Variants in SDHA observed in about 807,000 individuals in gnomAD.
The protein encoded by SDHA is succinate dehydrogenase complex flavoprotein subunit A.
SDHA carries 48 observed loss-of-function variants against 78.4 expected under a neutral mutation model. The ratio of observed to expected loss-of-function variants is 0.61; its 90% CI spans 0.49 to 0.78. The LOEUF is 0.78. SDHA is among the 30% of genes least tolerant of loss of function. SDHA has a pLI of 0.00. For synonymous variants in SDHA, 326 were observed against 353.9 expected (o/e 0.92, Z 0.88); for missense variants, 680 against 892.7 (o/e 0.76, Z 3.04).
At chr5:229,637 T>C (rs1337048214) in intron 6 of SDHA, among the ~76,000 whole-genome samples, 1 of 152,240 alleles carries the variant, frequency 6.6e-6, no homozygotes, top group Admixed American at 6.5e-5. Context: ...TAACTTCCCG[T>C]TACAAGGTGA....
chr5:243,032 G>A (rs1244462318), intron 11 of SDHA, among the ~76,000 whole-genome samples: 7 of 152,254 alleles, frequency 4.6e-5, no homozygotes, highest in Admixed American at 4.6e-4. Context: ...CCAGAGGACA[G>A]TGGGCGAAAA....
chr5:230,355 A>G (rs1380817910), intron 6 of SDHA, among the ~76,000 whole-genome samples: 2 of 152,222 alleles, frequency 1.3e-5, no homozygotes, highest in East Asian at 3.9e-4. Context: ...CCAGGTGTGC[A>G]GTGGCTCACG....
At chr5:248,576 A>C (rs574768029) in intron 11 of SDHA, among the ~76,000 whole-genome samples, 1 of 152,312 alleles carries the variant, frequency 6.6e-6, no homozygotes, top group East Asian at 1.9e-4. Context: ...TTCTGATCTC[A>C]GTATTTACCA....
intron 7 of SDHA, among the ~76,000 whole-genome samples, chr5:232,006 A>G (rs1377385795): frequency 7.2e-6 from 1 of 139,458 alleles, no homozygotes; most frequent in Non-Finnish European, 1.5e-5. Flanking sequence ...GAGGTTCTTC[A>G]GAATGAGTCA....
At position 251,255 on chromosome 5, in the gene SDHA, G is replaced by A. The variant is rs531661823; in HGVS notation, c.1664-83G>A. On this transcript the variant is annotated intron_variant, in intron 12 of 14. Coordinates refer to ENST00000264932, the MANE Select transcript of SDHA (RefSeq NM_004168.4). ...TAAAGCCACAACCAGTGACTCCATG[G>A]ACTAGCAGGCCCAGGCTGACAGCTC... The A allele has an allele frequency of 5.3e-5, 82 of 1,546,320 alleles. No homozygotes were observed. In the African/African-American group the frequency reaches 8.7e-4, roughly 16 times the overall value.
chr5:233,564 A>AAC lies in SDHA; in HGVS notation c.983_984insAC (p.Tyr330AspfsTer19), dbSNP rs764729977. 1 of 1,614,120 alleles carries AAC rather than the reference A, an allele frequency of 6.2e-7. No individual in the cohort carries two copies. Among genetic ancestry groups the AAC allele is most frequent in the South Asian group, 1.1e-5 (1 of 91,078 alleles). On this transcript the variant is annotated frameshift_variant, in exon 8 of 15. Coordinates refer to ENST00000264932, the MANE Select transcript of SDHA (RefSeq NM_004168.4). LOFTEE classifies it high-confidence loss of function. ...AACAGTCAAGGCGAAAGGTTTATGG[A>AAC]GCGATACGCCCCTGTCGCGAAGGAC...
intron 11 of SDHA, among the ~76,000 whole-genome samples, chr5:247,915 T>G (rs1736563914): frequency 6.6e-6 from 1 of 152,236 alleles, no homozygotes; most frequent in Non-Finnish European, 1.5e-5. Flanking sequence ...AGAATGAATC[T>G]TTCCCTGAAA....
At chr5:223,213 C>T (rs1480297420) in intron 1 of SDHA, among the ~76,000 whole-genome samples, 1 of 152,202 alleles carries the variant, frequency 6.6e-6, no homozygotes, top group Non-Finnish European at 1.5e-5. Flanking sequence ...GTATCTGAGT[C>T]AGTGAGTATC....
intron 14 of SDHA, among the ~76,000 whole-genome samples, 154 bp downstream of exon 14, chr5:254,660 C>G (rs907477343): frequency 1.3e-5 from 2 of 152,198 alleles, no homozygotes; most frequent in Non-Finnish European, 2.9e-5. Context: ...GGCACTCCGA[C>G]AGCAGTCGGG....
chr5:239,387 T>C (rs1735996958), intron 10 of SDHA, among the ~76,000 whole-genome samples: 1 of 151,980 alleles, frequency 6.6e-6, no homozygotes, highest in South Asian at 2.1e-4. Context: ...GTGAAACCCA[T>C]TTCTACTGAA....
Position 233,550 on chromosome 5 carries a change from C to T in SDHA, c.969C>T (p.Gly323=), listed in dbSNP as rs142849100. 6.8e-3 allele frequency: 11,019 copies of T among 1,614,066 alleles called. 87 individuals are homozygous for T. The highest frequency in any genetic ancestry group is 0.022 in the South Asian group (1,994 of 91,068). Residue 323 remains glycine, a synonymous_variant, in exon 8 of 15, where the codon GGC becomes GGT. Coordinates refer to ENST00000264932, the MANE Select transcript of SDHA (RefSeq NM_004168.4). The stretch of plus-strand genomic sequence containing the variant: ...GAGGCATTCTCATTAACAGTCAAGG[C>T]GAAAGGTTTATGGAGCGATACGCCC... The part of the protein sequence containing the change: ...GEGGILINSQ[G]ERFMERYAPV...
intron 3 of SDHA, among the ~76,000 whole-genome samples, chr5:225,216 A>G (rs1360526514): frequency 6.6e-6 from 1 of 150,858 alleles, no homozygotes; most frequent in Non-Finnish European, 1.5e-5. Flanking sequence ...GAGGCTAAGG[A>G]TGGAATCACT....
intron 10 of SDHA, among the ~76,000 whole-genome samples, chr5:237,606 C>T (rs1267794767): frequency 2.2e-5 from 3 of 133,980 alleles, no homozygotes; most frequent in South Asian, 2.2e-4. Flanking sequence ...TGGATGTTTG[C>T]GTGGCAAGGA....
At chr5:236,310 C>T in intron 9 of SDHA, 118 bp from the exon 10 acceptor site, 1 of 1,026,574 alleles carries the variant, frequency 9.7e-7, no homozygotes, top group Non-Finnish European at 1.5e-6. Context: ...AGGCGTGAGC[C>T]ACCACGCCTG....
rs1357803337 is a variant in SDHA at position 228,174 on chromosome 5, C to G, written c.622-11C>G. The stretch of plus-strand genomic sequence containing the variant: ...TAACACTTCTTGCCCTTTTTTTTTC[C>G]TTTCTTTTAGTCTCTGCGATATGAT... On this transcript the variant is annotated splice_polypyrimidine_tract_variant and intron_variant, in intron 5 of 14. Transcript: ENST00000264932. 8 of 1,608,698 alleles carry G rather than the reference C, an allele frequency of 5.0e-6. No homozygotes were observed. Among genetic ancestry groups the G allele is most frequent in the Non-Finnish European group, 6.8e-6 (8 of 1,178,370 alleles).
Position 256,480 on chromosome 5 carries a change from A to G in SDHA, c.*60A>G, listed in dbSNP as rs542847249. The G allele has an allele frequency of 1.5e-6, 2 of 1,342,608 alleles. No homozygotes were observed. Among genetic ancestry groups the G allele is most frequent in the East Asian group, 2.3e-5 (1 of 43,692 alleles). The allele number at this position is 1,342,608 out of a possible 1,614,324, so 83.2% of individuals were successfully genotyped here. ...TGTAATTATGTATAATAGCTCATGC[A>G]TGTGTCCATGTCATAACTGTCTTCA... On this transcript the variant is annotated 3_prime_UTR_variant, in exon 15 of 15. Transcript: ENST00000264932.
intron 1 of SDHA, among the ~76,000 whole-genome samples, 172 bp from the exon 2 acceptor site, chr5:223,310 C>T (rs1734821962): frequency 1.3e-5 from 2 of 152,164 alleles, no homozygotes; most frequent in Admixed American, 6.5e-5. Flanking sequence ...CTTCCTTGCC[C>T]CTTGGGCTGC....
At chr5:224,231 G>A (rs1734876356) in intron 2 of SDHA, 129 bp from the exon 3 acceptor site, 3 of 976,640 alleles carry the variant, frequency 3.1e-6, no homozygotes. Context: ...TCAGCCCCAG[G>A]ACAGGATGGA....
chr5:218,721 G>A (rs1734529886), intron 1 of SDHA, among the ~76,000 whole-genome samples: 1 of 152,226 alleles, frequency 6.6e-6, no homozygotes, highest in Admixed American at 6.5e-5. Flanking sequence ...GGACCCCGCG[G>A]GCTGAGGTAG....
Sources: gnomAD v4.1 joint callset for allele counts (sites outside exome capture counted in the v4.1 genomes callset) on GRCh38, gnomAD v4.1.1 for gene constraint, MANE v1.5 for transcripts, NCBI Gene and HGNC (gene_info 2026-07-23, HGNC 2026-07-21) for gene names.